MYH14: variants seen among roughly 807,000 people sequenced by gnomAD.
MYH14 encodes the protein myosin heavy chain 14.
In MYH14, 123 loss-of-function variants were observed where a neutral mutation model predicts 255.5. The observed-to-expected ratio is 0.48, with a 90% CI of 0.42 to 0.56. The LOEUF is 0.56. Among genes scored for constraint, MYH14 ranks in the 20% least tolerant of loss-of-function variants. The pLI, the probability that MYH14 is intolerant of heterozygous loss-of-function variation, is 0.00. For missense variants in MYH14, 2,423 were observed against 2,802.3 expected (o/e 0.86, Z 3.06); for synonymous variants, 1,095 against 1,161.2 (o/e 0.94, Z 1.16).
intron 27 of MYH14, among the ~76,000 whole-genome samples, chr19:50,273,605 T>TGG (rs1395259168): frequency 1.0e-5 from 1 of 100,450 alleles, no homozygotes; most frequent in Non-Finnish European, 2.2e-5. Flanking sequence ...ATGGGGGGTG[T>TGG]GTGTGTGTGT....
At chr19:50,203,755 G>C (rs1337858090) in intron 1 of MYH14, 84 bp downstream of exon 1, 3 of 152,348 alleles carry the variant, frequency 2.0e-5, no homozygotes, top group African/African-American at 7.2e-5. Flanking sequence ...GCTGCGATCG[G>C]GGCCCGGGAG....
chr19:50,230,462 G>A lies in MYH14; in HGVS notation c.875-63G>A. 4.2e-6 allele frequency: 6 copies of A among 1,414,974 alleles called. No homozygotes were observed. Among genetic ancestry groups the A allele is most frequent in the Non-Finnish European group, 5.9e-6 (6 of 1,024,378 alleles). 87.7% of individuals were successfully genotyped at this position (1,414,974 alleles called of 1,614,324 possible). On this transcript the variant is annotated intron_variant, in intron 8 of 42. Transcript: ENST00000642316. This position sits in a 1 kb window ranked among gnomAD's most constrained non-coding sequence, Gnocchi z 4.7. ...GGCAGCGTGGGCAGGGCAGGCTCCT[G>A]TAGTGGCCTGGCAGCGTCGGGGCCG... is the stretch of plus-strand genomic sequence containing the variant.
In MYH14 at chr19:50,260,713, A is replaced by C. The variant is rs1254957093; in HGVS notation, c.2422A>C (p.Met808Leu). 1 of 1,611,872 alleles carries C rather than the reference A, an allele frequency of 6.2e-7. No individual in the cohort carries two copies. The highest frequency in any genetic ancestry group is 8.5e-7 in the Non-Finnish European group (1 of 1,179,280). Reference sequence around the variant, plus strand: ...GGATGGGAAGCAGGCCTGTGAAAAGATGGTGAGTGGGGCAGAGCCTGGAAT... The same window carrying C: ...GGATGGGAAGCAGGCCTGTGAAAAGCTGGTGAGTGGGGCAGAGCCTGGAAT... ...FMDGKQACEK[M>L]IQALELDPNL... The change falls in exon 20 of 43, where the codon ATG becomes CTG. Residue 808 changes from methionine (M) to leucine (L), a missense_variant and splice_region_variant. Coordinates refer to ENST00000642316, the MANE Select transcript of MYH14 (RefSeq NM_001145809.2).
chr19:50,289,372 A>G, intron 34 of MYH14, 64 bp from the exon 35 acceptor site: 1 of 1,347,248 alleles, frequency 7.4e-7, no homozygotes, highest in Non-Finnish European at 1.0e-6. Context: ...CCCCTACTCT[A>G]GCTAGGCTCC....
At chr19:50,218,392 C>T (rs369002093) in intron 3 of MYH14, among the ~76,000 whole-genome samples, 20 of 152,020 alleles carry the variant, frequency 1.3e-4, no homozygotes, top group Admixed American at 3.3e-4. Context: ...GTCAGGAGAT[C>T]GAGACCATTC....
chr19:50,274,252 C>T (rs1158831897), intron 27 of MYH14, among the ~76,000 whole-genome samples: 3 of 152,058 alleles, frequency 2.0e-5, no homozygotes, highest in African/African-American at 7.2e-5. Context: ...TAGATTTTGC[C>T]CATTCACAAT....
chr19:50,263,362 G>T lies in MYH14; in HGVS notation c.2636G>T (p.Arg879Leu). The T allele has an allele frequency of 6.2e-7, 1 of 1,600,600 alleles. No homozygotes were observed. The highest frequency in any genetic ancestry group is 2.3e-5 in the East Asian group (1 of 44,182). The change falls in exon 22 of 43, where the codon CGG (arginine) becomes CTG (leucine). Residue 879 changes from arginine (R) to leucine (L), a missense_variant. Physicochemically the swap from Arg to Leu is moderately radical, Grantham distance 102 (BLOSUM62 -2). Transcript: ENST00000642316. Reference sequence around the variant, plus strand: ...CAGAGCGCCCTGAGGGTGATGCAGCGGAACTGCGCGGCCTACCTCAAGCTG... The same window carrying T: ...CAGAGCGCCCTGAGGGTGATGCAGCTGAACTGCGCGGCCTACCTCAAGCTG... ...QQQSALRVMQ[R>L]NCAAYLKLRH...
In MYH14 at chr19:50,280,509, C is replaced by A; in HGVS notation, c.4290+126C>A. 9.8e-7 allele frequency: 1 copy of A among 1,021,108 alleles called. No homozygotes were observed. Among genetic ancestry groups the A allele is most frequent in the South Asian group, 1.7e-5 (1 of 58,496 alleles). The allele number at this position is 1,021,108 out of a possible 1,614,324, so 63.3% of individuals were successfully genotyped here. On this transcript the variant is annotated intron_variant, in intron 32 of 42. Transcript: ENST00000642316. This position sits in a 1 kb window ranked among gnomAD's most constrained non-coding sequence, Gnocchi z 4.8. ...AGGCCAGACCCATGGGTGCCTTTCT[C>A]ATCTCTGACTCCCCCTTACCCCCCA...
In MYH14 at chr19:50,232,054, C is replaced by T. The variant is rs1324827743; in HGVS notation, c.1098C>T (p.Ser366=). Reference sequence around the variant, plus strand: ...AGTCGCTGCGGGTCCTGGGATTCAGCCACGAGGAAATCATCTGTGAGTGAG... The same window carrying T: ...AGTCGCTGCGGGTCCTGGGATTCAGTCACGAGGAAATCATCTGTGAGTGAG... ...TLESLRVLGF[S]HEEIISMLRM... Residue 366 remains serine, a synonymous_variant, in exon 10 of 43, where the codon AGC becomes AGT. Transcript: ENST00000642316. 2 of 1,612,186 alleles carry T rather than the reference C, an allele frequency of 1.2e-6. No homozygotes were observed. The highest frequency in any genetic ancestry group is 1.6e-4 in the Middle Eastern group (1 of 6,062).
Position 50,210,631 on chromosome 19 carries a change from T to C in MYH14, c.266T>C (p.Leu89Pro), listed in dbSNP as rs988356194. ...EVELAESGRRLRLPRDQIQRM... is the reference protein window; with the variant it reads ...EVELAESGRRPRLPRDQIQRM... Reference sequence around the variant, plus strand: ...GAGCTGGCGGAGAGCGGGAGGCGGCTGCGACTGCCGCGGGACCAGATCCAG... The same window carrying C: ...GAGCTGGCGGAGAGCGGGAGGCGGCCGCGACTGCCGCGGGACCAGATCCAG... The change falls in exon 2 of 43, where the codon CTG (leucine) becomes CCG (proline). Residue 89 changes from leucine (L) to proline (P), a missense_variant. Transcript: ENST00000642316. 1.7e-5 allele frequency: 26 copies of C among 1,570,190 alleles called. No individual in the cohort carries two copies. The Admixed American group carries it at 4.5e-4, about 27-fold the overall frequency.
At chr19:50,214,445 A>G (rs990662829) in intron 2 of MYH14, among the ~76,000 whole-genome samples, 3 of 152,152 alleles carry the variant, frequency 2.0e-5, no homozygotes, top group Non-Finnish European at 4.4e-5. Flanking sequence ...TGAGTTGCTA[A>G]GAGTCTCAGT....
chr19:50,242,632 A>T (rs8110165), intron 10 of MYH14, among the ~76,000 whole-genome samples: 1,527 of 152,210 alleles, frequency 0.01, 25 homozygotes, highest in African/African-American at 0.035. Flanking sequence ...ACACAGCCAA[A>T]CCATATCAAT....
Position 50,267,014 on chromosome 19 carries a change from G to A in MYH14, c.2826+6G>A, listed in dbSNP as rs749933408. 1 of 1,554,142 alleles carries A rather than the reference G, an allele frequency of 6.4e-7. No individual in the cohort carries two copies. The highest frequency in any genetic ancestry group is 2.4e-5 in the East Asian group (1 of 42,396). ...TCCAGGGCCGAGTGGCACAGGTGAG[G>A]GGGCGGGGGCAGGGCGTGGGGGCGT... is the stretch of plus-strand genomic sequence containing the variant. On this transcript the variant is annotated splice_donor_region_variant and intron_variant, in intron 23 of 42. Coordinates refer to ENST00000642316, the MANE Select transcript of MYH14 (RefSeq NM_001145809.2).
intron 10 of MYH14, among the ~76,000 whole-genome samples, chr19:50,232,441 A>AG (rs1221499891): frequency 6.6e-6 from 1 of 150,636 alleles, no homozygotes; most frequent in Non-Finnish European, 1.5e-5. Context: ...AAAATACAAA[A>AG]AAGTTAGCCA....
Position 50,260,822 on chromosome 19 carries a change from A to AGT in MYH14, c.2424+115_2424+116dup, listed in dbSNP as rs140241247. On this transcript the variant is annotated intron_variant, in intron 20 of 42. Coordinates refer to ENST00000642316, the MANE Select transcript of MYH14 (RefSeq NM_001145809.2). ...ATATGTGTGCATGCGTGTGTGTGCA[A>AGT]GTGTGTGTGCATGCACGTGTGTGCG... The AGT allele has an allele frequency of 0.73, 546,358 of 745,150 alleles. 206,631 individuals carry two copies. Among genetic ancestry groups the AGT allele is most frequent in the East Asian group, 0.86 (31,491 of 36,452 alleles). 46.2% of individuals were successfully genotyped at this position (745,150 alleles called of 1,614,324 possible).
intron 14 of MYH14, 53 bp downstream of exon 14, chr19:50,249,876 C>CA: frequency 6.2e-7 from 1 of 1,601,242 alleles, no homozygotes; most frequent in Non-Finnish European, 8.5e-7. Context: ...CCGTCTCTCC[C>CA]AGCATCTGCG....
intron 18 of MYH14, 124 bp from the exon 19 acceptor site, chr19:50,259,020 C>A (rs1003895053): frequency 7.5e-7 from 1 of 1,327,266 alleles, no homozygotes; most frequent in Non-Finnish European, 1.0e-6. Flanking sequence ...GGCCTAGAAC[C>A]GTTCCTAGGC....
intron 16 of MYH14, among the ~76,000 whole-genome samples, chr19:50,253,970 C>A (rs910638370): frequency 6.6e-6 from 1 of 152,164 alleles, no homozygotes; most frequent in Non-Finnish European, 1.5e-5. Context: ...GTAATCCCAG[C>A]ACTTTGGGAG....
chr19:50,238,102 T>G (rs1443204632), intron 10 of MYH14, among the ~76,000 whole-genome samples: 1 of 152,206 alleles, frequency 6.6e-6, no homozygotes, highest in East Asian at 1.9e-4. Context: ...CTGCCACCCC[T>G]TGGCACCATA....
Sources: gnomAD v4.1 joint callset for allele counts (sites outside exome capture counted in the v4.1 genomes callset) on GRCh38, gnomAD v4.1.1 for gene constraint, Gnocchi (gnomAD v3.1) non-coding constraint, MANE v1.5 for transcripts, NCBI Gene and HGNC (gene_info 2026-07-23, HGNC 2026-07-21) for gene names.